TSPAN3: variants seen among roughly 807,000 people sequenced by gnomAD.
The protein encoded by TSPAN3 is tetraspanin-3.
In TSPAN3, 9 loss-of-function variants were observed where a neutral mutation model predicts 31.1. The observed-to-expected ratio is 0.29, with a 90% CI of 0.17 to 0.50. The LOEUF (loss-of-function observed/expected upper bound fraction) is 0.50. Among genes scored for constraint, TSPAN3 ranks in the 20% least tolerant of loss-of-function variants. The probability of loss-of-function intolerance (pLI) is 0.98; values close to 1 mark genes in which losing one functional copy is unlikely to be tolerated. For synonymous variants in TSPAN3, 129 were observed against 114.3 expected (o/e 1.13, Z -0.82); for missense variants, 252 against 313.5 (o/e 0.80, Z 1.48).
intron 1 of TSPAN3, among the ~76,000 whole-genome samples, chr15:77,062,596 G>T (rs1188564398): frequency 6.6e-6 from 1 of 152,222 alleles, no homozygotes; most frequent in Non-Finnish European, 1.5e-5. Flanking sequence ...CCTCAGATGG[G>T]CGGAAGCACA....
rs2076738851 is a variant in TSPAN3 at position 77,052,488 on chromosome 15, C to T, written c.586-20G>A. ...ACACCCCTGTAACAAACACAGTCATCCTCGTTAGAAGTGTTCTTTAAAAGT... is the reference window on the plus strand; with the variant it reads ...ACACCCCTGTAACAAACACAGTCATTCTCGTTAGAAGTGTTCTTTAAAAGT... On this transcript the variant is annotated intron_variant, in intron 5 of 6. Coordinates refer to ENST00000267970, the MANE Select transcript of TSPAN3 (RefSeq NM_005724.6). 2 of 1,607,700 alleles carry T rather than the reference C, an allele frequency of 1.2e-6. No homozygotes were observed. Among genetic ancestry groups the T allele is most frequent in the Non-Finnish European group, 1.7e-6 (2 of 1,174,200 alleles).
intron 1 of TSPAN3, chr15:77,070,002 G>T (rs2076857129): frequency 6.6e-6 from 1 of 152,244 alleles, no homozygotes; most frequent in Non-Finnish European, 1.5e-5. Flanking sequence ...TTCAGATCAA[G>T]TGATGTGATA....
At chr15:77,054,142 G>T in intron 4 of TSPAN3, 36 bp downstream of exon 4, 1 of 1,442,092 alleles carries the variant, frequency 6.9e-7, no homozygotes, top group Non-Finnish European at 9.8e-7. Context: ...AATCGTGATT[G>T]GTCCTCAAAA....
intron 6 of TSPAN3, 104 bp downstream of exon 6, chr15:77,052,281 A>G: frequency 1.0e-6 from 1 of 969,532 alleles, no homozygotes; most frequent in Admixed American, 2.0e-5. Flanking sequence ...CTTCCACATT[A>G]CCTACATACA....
intron 1 of TSPAN3, among the ~76,000 whole-genome samples, chr15:77,061,652 G>C (rs1418770104): frequency 1.3e-5 from 2 of 152,208 alleles, no homozygotes; most frequent in Admixed American, 1.3e-4. Flanking sequence ...TACAAGTGGG[G>C]AGATAAAGTA....
At position 77,044,942 on chromosome 15, in the gene TSPAN3, T is replaced by TAGTC. The variant is rs1451932376; in HGVS notation, c.*1889_*1892dup. ...AGGGGCAAGAGGTGGGATGGGTCAG[T>TAGTC]AGTCACATGATAAATCCCCCGGGGC... is the stretch of plus-strand genomic sequence containing the variant. On this transcript the variant is annotated 3_prime_UTR_variant, in exon 7 of 7. Transcript: ENST00000267970. The TAGTC allele has an allele frequency of 2.0e-5, 3 of 152,108 alleles. No individual in the cohort carries two copies. The highest frequency in any genetic ancestry group is 7.2e-5 in the African/African-American group (3 of 41,402). 9.4% of individuals were successfully genotyped at this position (152,108 alleles called of 1,614,324 possible).
intron 3 of TSPAN3, chr15:77,054,711 T>C (rs1007978141): frequency 6.5e-6 from 1 of 153,054 alleles, no homozygotes; most frequent in African/African-American, 2.4e-5. Context: ...GCCAACATTA[T>C]TTCCATTTTA....
chr15:77,053,099 T>C (rs1162420915), intron 4 of TSPAN3, among the ~76,000 whole-genome samples, 170 bp from the exon 5 acceptor site: 4 of 152,206 alleles, frequency 2.6e-5, no homozygotes, highest in Non-Finnish European at 4.4e-5. Flanking sequence ...CATGAAGCTC[T>C]ACTGAGCACT....
intron 1 of TSPAN3, 83 bp downstream of exon 1, chr15:77,070,809 C>T: frequency 2.3e-6 from 2 of 869,894 alleles, no homozygotes; most frequent in Non-Finnish European, 2.8e-6. Context: ...CCGCCCAGGC[C>T]CAAGCCCGGC....
intron 1 of TSPAN3, among the ~76,000 whole-genome samples, chr15:77,060,751 C>T (rs2076795767): frequency 1.3e-5 from 2 of 152,010 alleles, no homozygotes; most frequent in African/African-American, 4.8e-5. Context: ...AAATGTAGAA[C>T]TTGGAAGCAG....
intron 1 of TSPAN3, among the ~76,000 whole-genome samples, chr15:77,060,126 G>A (rs916907408): frequency 1.3e-5 from 2 of 152,096 alleles, no homozygotes; most frequent in Non-Finnish European, 2.9e-5. Context: ...CAACATCCAA[G>A]TCACACAACA....
intron 6 of TSPAN3, among the ~76,000 whole-genome samples, chr15:77,047,249 C>T (rs74702127): frequency 0.05 from 7,615 of 152,268 alleles, 497 homozygotes; most frequent in African/African-American, 0.16. Flanking sequence ...CACATATGCA[C>T]TGTCATGTGG....
rs60483848 is a variant in TSPAN3 at position 77,053,451 on chromosome 15, C to CAAAAAAAAAAAAAAAAAAAAAAAAAAAAA, written c.433-551_433-523dup. 1.6e-4 allele frequency among the ~76,000 whole-genome samples: 8 copies of CAAAAAAAAAAAAAAAAAAAAAAAAAAAAA among 50,380 alleles called. 2 individuals carry two copies. Among genetic ancestry groups the CAAAAAAAAAAAAAAAAAAAAAAAAAAAAA allele is most frequent in the Middle Eastern group, 9.4e-3 (1 of 106 alleles). The allele number at this position is 50,380 out of a possible 152,430, so 33.1% of individuals were successfully genotyped here. A position where few individuals can be genotyped will look rare whatever the true frequency, so the allele number is the denominator to read the frequency against. On this transcript the variant is annotated intron_variant, in intron 4 of 6. Coordinates refer to ENST00000267970, the MANE Select transcript of TSPAN3 (RefSeq NM_005724.6). Reference sequence around the variant, plus strand: ...CAACAAGAGTGAAATTTCGCCATCTCAAAAAAAAAAAAAAAAAAAAAAAAA... The same window carrying CAAAAAAAAAAAAAAAAAAAAAAAAAAAAA: ...CAACAAGAGTGAAATTTCGCCATCTCAAAAAAAAAAAAAAAAAAAAAAAAAAAAAAAAAAAAAAAAAAAAAAAAAAAAAA...
chr15:77,055,934 A>C, intron 2 of TSPAN3, 71 bp from the exon 3 acceptor site: 1 of 1,538,382 alleles, frequency 6.5e-7, no homozygotes, highest in South Asian at 1.2e-5. Flanking sequence ...TGATTTAAAA[A>C]AAGTTATCAG....
chr15:77,070,055 T>C (rs2076857357), intron 1 of TSPAN3: 1 of 152,094 alleles, frequency 6.6e-6, no homozygotes, highest in Non-Finnish European at 1.5e-5. Context: ...AAAGTCCAGA[T>C]GGGCTGGAGG....
At chr15:77,062,452 C>T (rs1004794408) in intron 1 of TSPAN3, among the ~76,000 whole-genome samples, 1 of 152,182 alleles carries the variant, frequency 6.6e-6, no homozygotes, top group Non-Finnish European at 1.5e-5. Flanking sequence ...ACTCCAAATC[C>T]TCTTTCAGAA....
intron 6 of TSPAN3, among the ~76,000 whole-genome samples, chr15:77,050,569 T>G (rs1427148213): frequency 6.6e-6 from 1 of 152,268 alleles, no homozygotes; most frequent in South Asian, 2.1e-4. Flanking sequence ...CAGTCTTCTA[T>G]ATACATGTTG....
At chr15:77,070,649 T>C (rs1030207615) in intron 1 of TSPAN3, among the ~76,000 whole-genome samples, 1 of 151,970 alleles carries the variant, frequency 6.6e-6, no homozygotes, top group African/African-American at 2.4e-5. Context: ...AGGCGCCGGC[T>C]GGAGGCCGTG....
Position 77,046,439 on chromosome 15 carries a change from C to T in TSPAN3, c.*396G>A, listed in dbSNP as rs1159667487. On this transcript the variant is annotated 3_prime_UTR_variant, in exon 7 of 7. Transcript: ENST00000267970. ...CCAGAAAGCTGGTTTCCTCCTCCTCCCCGCAAAAACCTTTGGCCAAGAGTT... is the reference window on the plus strand; with the variant it reads ...CCAGAAAGCTGGTTTCCTCCTCCTCTCCGCAAAAACCTTTGGCCAAGAGTT... 9 of 406,392 alleles carry T rather than the reference C, an allele frequency of 2.2e-5. No homozygotes were observed. The highest frequency in any genetic ancestry group is 3.5e-5 in the East Asian group (1 of 28,426). The allele number at this position is 406,392 out of a possible 1,614,324, so 25.2% of individuals were successfully genotyped here.
Sources: allele counts gnomAD v4.1 joint callset (sites outside exome capture counted in the v4.1 genomes callset), GRCh38; gene constraint gnomAD v4.1.1; transcripts MANE v1.5; gene names NCBI Gene and HGNC (gene_info 2026-07-23, HGNC 2026-07-21).